GFOD1: variants seen among roughly 807,000 people sequenced by gnomAD.
The protein encoded by GFOD1 is Gfo/Idh/MocA-like oxidoreductase domain containing 1, also known as glucose-fructose oxidoreductase domain-containing protein 1.
Under a neutral mutation model 25.4 loss-of-function variants are expected in GFOD1, and 9 were observed. That is an observed-to-expected ratio of 0.35 (90% CI 0.21 to 0.62). The LOEUF is 0.62. GFOD1 is among the 20% of genes least tolerant of loss of function. The pLI is 0.72. For synonymous variants in GFOD1, 253 were observed against 245.6 expected, an observed-to-expected ratio of 1.03 and a Z score of -0.28; for missense variants, 403 against 556.9, an observed-to-expected ratio of 0.72 and a Z score of 2.78.
At chr6:13,412,779 C>T (rs1032232410) in intron 1 of GFOD1, among the ~76,000 whole-genome samples, 2 of 152,198 alleles carry the variant, frequency 1.3e-5, no homozygotes, top group African/African-American at 2.4e-5. Flanking sequence ...CTGAGCACTT[C>T]CCCCGCCCTC....
intron 1 of GFOD1, among the ~76,000 whole-genome samples, chr6:13,445,310 G>C (rs1177090361): frequency 6.6e-6 from 1 of 152,174 alleles, no homozygotes; most frequent in Non-Finnish European, 1.5e-5. Flanking sequence ...TGATTACTAA[G>C]GAAATAATAT....
intron 1 of GFOD1, among the ~76,000 whole-genome samples, chr6:13,454,963 CA>C (rs1158405989): frequency 6.6e-6 from 1 of 152,188 alleles, no homozygotes; most frequent in Non-Finnish European, 1.5e-5. Flanking sequence ...GTCTTGATAT[CA>C]AAAACCTGAA....
At position 13,472,236 on chromosome 6, in the gene GFOD1, G is replaced by A. The variant is rs184849279; in HGVS notation, c.253+14402C>T. On this transcript the variant is annotated intron_variant, in intron 1 of 1. Transcript: ENST00000379287. ...ATACAATTCAAGTTGAGATTTTAGC[G>A]GGGACACAGCCAAACCACATCAAAA... Among the ~76,000 whole-genome samples, 516 of 152,252 alleles carry A rather than the reference G, an allele frequency of 3.4e-3. 2 individuals carry two copies. The highest frequency in any genetic ancestry group is 5.8e-3 in the Admixed American group (89 of 15,296).
intron 1 of GFOD1, among the ~76,000 whole-genome samples, chr6:13,422,603 T>C (rs1786279157): frequency 6.6e-6 from 1 of 152,188 alleles, no homozygotes; most frequent in African/African-American, 2.4e-5. Context: ...TCCAATCCTT[T>C]GCAAGTAAGT....
At chr6:13,399,114 A>G (rs1024076104) in intron 1 of GFOD1, among the ~76,000 whole-genome samples, 26 of 152,152 alleles carry the variant, frequency 1.7e-4, no homozygotes, top group African/African-American at 6.3e-4. Context: ...TCGCGGACTC[A>G]GGTGATTCTC....
intron 1 of GFOD1, among the ~76,000 whole-genome samples, chr6:13,397,003 C>T (rs1215379913): frequency 6.6e-6 from 1 of 152,172 alleles, no homozygotes; most frequent in Non-Finnish European, 1.5e-5. Context: ...GTAGGGCTTC[C>T]TGAGTGGTGG....
At chr6:13,470,268 T>A (rs1758470426) in intron 1 of GFOD1, 1 of 1,592,452 alleles carries the variant, frequency 6.3e-7, no homozygotes, top group African/African-American at 1.3e-5. Flanking sequence ...ACATCCCTCC[T>A]GGAATCCCCC....
At chr6:13,450,786 G>A (rs1006918221) in intron 1 of GFOD1, among the ~76,000 whole-genome samples, 2 of 152,198 alleles carry the variant, frequency 1.3e-5, no homozygotes, top group Non-Finnish European at 2.9e-5. Flanking sequence ...AGCAGCTTCG[G>A]CACAGCAAGC....
In GFOD1 at chr6:13,365,730, A is replaced by T; in HGVS notation, c.254-68T>A. ...GTCCGAGCGCGCGTCCCTGGGTCAG[A>T]TCTTAAAATATTTCACATTAATAGA... On this transcript the variant is annotated intron_variant, in intron 1 of 1. Transcript: ENST00000379287. The surrounding 1 kb of genome is among the most constrained non-coding windows in gnomAD (Gnocchi z 9.2). 9.1e-7 allele frequency: 1 copy of T among 1,093,366 alleles called. No homozygotes were observed. Among genetic ancestry groups the T allele is most frequent in the South Asian group, 1.4e-5 (1 of 70,620 alleles). 67.7% of individuals were successfully genotyped at this position (1,093,366 alleles called of 1,614,324 possible). A position where few individuals can be genotyped will look rare whatever the true frequency, so the allele number is the denominator to read the frequency against.
chr6:13,452,010 C>G (rs1758106942), intron 1 of GFOD1, among the ~76,000 whole-genome samples: 1 of 152,168 alleles, frequency 6.6e-6, no homozygotes, highest in African/African-American at 2.4e-5. Context: ...CGGGTAGTAG[C>G]TGTTTTCTAT....
At chr6:13,384,918 G>A (rs908939041) in intron 1 of GFOD1, among the ~76,000 whole-genome samples, 1 of 152,188 alleles carries the variant, frequency 6.6e-6, no homozygotes, top group Admixed American at 6.5e-5. Context: ...TTTTATTGAA[G>A]CTTGAATCTA....
At chr6:13,417,209 A>C (rs1400844908) in intron 1 of GFOD1, among the ~76,000 whole-genome samples, 1 of 152,208 alleles carries the variant, frequency 6.6e-6, no homozygotes, top group Non-Finnish European at 1.5e-5. Flanking sequence ...GCTGGAGTGC[A>C]GTGGCGCGAT....
chr6:13,371,897 A>ATC (rs1785161793), intron 1 of GFOD1, among the ~76,000 whole-genome samples: 2 of 152,146 alleles, frequency 1.3e-5, no homozygotes, highest in African/African-American at 2.4e-5. Flanking sequence ...GGGTTGCCGC[A>ATC]TCTGTCAATG....
chr6:13,387,965 C>T (rs982643670), intron 1 of GFOD1, among the ~76,000 whole-genome samples: 1 of 152,156 alleles, frequency 6.6e-6, no homozygotes, highest in African/African-American at 2.4e-5. Context: ...CATTCCTATA[C>T]AACAATAACA....
At chr6:13,404,562 C>A (rs1404037709) in intron 1 of GFOD1, among the ~76,000 whole-genome samples, 1 of 152,174 alleles carries the variant, frequency 6.6e-6, no homozygotes, top group Non-Finnish European at 1.5e-5. Context: ...TACCACCAGC[C>A]TCAAAAGGGT....
intron 1 of GFOD1, among the ~76,000 whole-genome samples, chr6:13,409,341 G>A (rs1487288908): frequency 1.5e-5 from 2 of 134,996 alleles, no homozygotes; most frequent in African/African-American, 2.7e-5. Flanking sequence ...GAGAAAGAGA[G>A]AGAGAGAAAG....
intron 1 of GFOD1, chr6:13,470,235 G>A (rs781033364): frequency 1.3e-6 from 2 of 1,596,790 alleles, no homozygotes; most frequent in African/African-American, 1.3e-5. Flanking sequence ...CTGGAAAGAA[G>A]GGCAATTGCC....
chr6:13,455,094 C>T (rs1287072108), intron 1 of GFOD1, among the ~76,000 whole-genome samples: 1 of 151,814 alleles, frequency 6.6e-6, no homozygotes, highest in Non-Finnish European at 1.5e-5. Context: ...GTGTGCCTGA[C>T]ACACCAGGGC....
chr6:13,388,556 C>T (rs992885476), intron 1 of GFOD1, among the ~76,000 whole-genome samples: 13 of 152,122 alleles, frequency 8.5e-5, no homozygotes, highest in Non-Finnish European at 2.9e-5. Flanking sequence ...AACTGGCTAG[C>T]CATATGTAGA....
Sources: allele counts gnomAD v4.1 joint callset (sites outside exome capture counted in the v4.1 genomes callset), GRCh38; gene constraint gnomAD v4.1.1; non-coding constraint Gnocchi (gnomAD v3.1); transcripts MANE v1.5; gene names NCBI Gene and HGNC (gene_info 2026-07-23, HGNC 2026-07-21).